The following ACADSB variants were observed in gnomAD, a reference collection of about 807,000 sequenced individuals.
The protein encoded by ACADSB is short/branched chain specific acyl-CoA dehydrogenase, mitochondrial.
In ACADSB, 40 loss-of-function variants were observed where a neutral mutation model predicts 54.1. That is an observed-to-expected ratio of 0.74 (90% CI 0.57 to 0.96). The LOEUF (loss-of-function observed/expected upper bound fraction) is 0.96. Ranked by LOEUF, ACADSB falls within the 40% of genes least tolerant of loss-of-function variation. ACADSB has a pLI of 0.00. For missense variants in ACADSB, 530 were observed against 510.4 expected, an observed-to-expected ratio of 1.04 and a Z score of -0.37; for synonymous variants, 182 against 182.8, an observed-to-expected ratio of 1.00 and a Z score of 0.03.
At chr10:123,048,732 T>G (rs1006288026) in intron 8 of ACADSB, among the ~76,000 whole-genome samples, 2 of 151,172 alleles carry the variant, frequency 1.3e-5, no homozygotes, top group South Asian at 2.1e-4. Flanking sequence ...TTATTTATTT[T>G]TATTTATTTA....
intron 8 of ACADSB, 90 bp downstream of exon 8, chr10:123,047,388 C>A: frequency 1.1e-6 from 1 of 947,046 alleles, no homozygotes. Flanking sequence ...GAGGGAATCC[C>A]TTCAGGGGGA....
At position 123,057,646 on chromosome 10, in the gene ACADSB, G is replaced by T. The variant is rs543424244; in HGVS notation, c.*3881G>T. The T allele has an allele frequency of 6.6e-6, 1 of 152,308 alleles. No individual in the cohort carries two copies. Among genetic ancestry groups the T allele is most frequent in the African/African-American group, 2.4e-5 (1 of 41,562 alleles). The allele number at this position is 152,308 out of a possible 1,614,324, so 9.4% of individuals were successfully genotyped here. ...TGGATTCCACCCAACTGCCAAGTTA[G>T]TATTGTTAGAGATTTCATTTTACAA... On this transcript the variant is annotated 3_prime_UTR_variant, in exon 11 of 11. Transcript: ENST00000358776.
intron 1 of ACADSB, among the ~76,000 whole-genome samples, chr10:123,012,882 C>T (rs1358919216): frequency 1.3e-5 from 2 of 152,204 alleles, no homozygotes; most frequent in African/African-American, 4.8e-5. Context: ...GTCTGTTTTA[C>T]AGACAGCTGA....
chr10:123,037,696 A>T, intron 2 of ACADSB, 51 bp from the exon 3 acceptor site: 1 of 1,282,980 alleles, frequency 7.8e-7, no homozygotes, highest in Non-Finnish European at 1.1e-6. Flanking sequence ...GCAAACTATT[A>T]ATGTGACTGT....
chr10:123,031,407 A>C (rs781034372), intron 1 of ACADSB, among the ~76,000 whole-genome samples: 1 of 152,234 alleles, frequency 6.6e-6, no homozygotes, highest in Non-Finnish European at 1.5e-5. Flanking sequence ...ATAAATAGCC[A>C]TTATTCCATT....
At chr10:123,041,711 G>T (rs1850476557) in intron 5 of ACADSB, among the ~76,000 whole-genome samples, 1 of 152,160 alleles carries the variant, frequency 6.6e-6, no homozygotes, top group African/African-American at 2.4e-5. Flanking sequence ...GAATTCACGT[G>T]AATAAAGTGA....
At chr10:123,033,480 C>T (rs946183066) in intron 1 of ACADSB, among the ~76,000 whole-genome samples, 1 of 152,184 alleles carries the variant, frequency 6.6e-6, no homozygotes, top group Non-Finnish European at 1.5e-5. Context: ...AACAGGAAGG[C>T]ACTCTCATGG....
chr10:123,034,126 G>T (rs1359168103), intron 1 of ACADSB, among the ~76,000 whole-genome samples: 2 of 152,228 alleles, frequency 1.3e-5, no homozygotes, highest in Admixed American at 1.3e-4. Flanking sequence ...ATTGGTAAAA[G>T]TTAGTTATCT....
chr10:123,027,508 T>C (rs766824174), intron 1 of ACADSB: 2 of 455,312 alleles, frequency 4.4e-6, no homozygotes, highest in South Asian at 3.1e-5. Flanking sequence ...CACTTTTGCT[T>C]CTTTCTCATT....
chr10:123,053,567 C>T, intron 10 of ACADSB, 128 bp from the exon 11 acceptor site: 2 of 827,150 alleles, frequency 2.4e-6, no homozygotes, highest in Non-Finnish European at 4.2e-6. Flanking sequence ...GTACCATATT[C>T]AGGGGACATG....
intron 4 of ACADSB, 74 bp downstream of exon 4, chr10:123,040,746 G>A (rs1589741296): frequency 1.4e-6 from 2 of 1,434,654 alleles, no homozygotes; most frequent in East Asian, 4.6e-5. Flanking sequence ...GAAAAAAGTA[G>A]CTGCAATGTC....
chr10:123,052,779 C>T lies in ACADSB; in HGVS notation c.1129-282C>T. The T allele has an allele frequency of 4.8e-6, 2 of 419,972 alleles. No homozygotes were observed. The highest frequency in any genetic ancestry group is 2.2e-5 in the South Asian group (1 of 45,256). The allele number at this position is 419,972 out of a possible 1,614,324, so 26.0% of individuals were successfully genotyped here. The stretch of plus-strand genomic sequence containing the variant: ...ATGTCCCTTAGCTCGTCCGTTAGGC[C>T]CCCAGTAAACATTTCCTGAATAAAT... On this transcript the variant is annotated intron_variant, in intron 9 of 10. Coordinates refer to ENST00000358776, the MANE Select transcript of ACADSB (RefSeq NM_001609.4). The surrounding 1 kb of genome is among the most constrained non-coding windows in gnomAD (Gnocchi z 4.2).
At chr10:123,024,414 G>A (rs991059446) in intron 1 of ACADSB, among the ~76,000 whole-genome samples, 1 of 152,236 alleles carries the variant, frequency 6.6e-6, no homozygotes, top group African/African-American at 2.4e-5. Context: ...AGGCAACACT[G>A]GAGAGTGGCC....
chr10:123,034,335 A>G (rs1850367937), intron 1 of ACADSB, 21 bp from the exon 2 acceptor site: 1 of 1,611,276 alleles, frequency 6.2e-7, no homozygotes, highest in Non-Finnish European at 8.5e-7. Context: ...CCTTTCTTTC[A>G]TGTGTGTATG....
intron 1 of ACADSB, among the ~76,000 whole-genome samples, chr10:123,026,297 A>G (rs1476708175): frequency 6.6e-6 from 1 of 152,226 alleles, no homozygotes; most frequent in Non-Finnish European, 1.5e-5. Context: ...TTCTGAAAAT[A>G]CAACTGCCTG....
At chr10:123,029,341 G>C (rs561908093) in intron 1 of ACADSB, among the ~76,000 whole-genome samples, 36 of 149,370 alleles carry the variant, frequency 2.4e-4, no homozygotes, top group South Asian at 1.7e-3. Flanking sequence ...GCAAGATTCT[G>C]TCTCAAAAAA....
At chr10:123,047,385 T>G in intron 8 of ACADSB, 87 bp downstream of exon 8, 1 of 973,970 alleles carries the variant, frequency 1.0e-6, no homozygotes, top group African/African-American at 1.6e-5. Context: ...ATGGAGGGAA[T>G]CCCTTCAGGG....
intron 1 of ACADSB, among the ~76,000 whole-genome samples, chr10:123,031,952 T>C (rs1438426629): frequency 6.6e-6 from 1 of 152,068 alleles, no homozygotes; most frequent in Non-Finnish European, 1.5e-5. Flanking sequence ...GGCTTTTAAG[T>C]TTCTCAGTAG....
At chr10:123,012,778 G>C (rs1053886072) in intron 1 of ACADSB, among the ~76,000 whole-genome samples, 1 of 152,144 alleles carries the variant, frequency 6.6e-6, no homozygotes, top group Non-Finnish European at 1.5e-5. Flanking sequence ...ATTGAGCAGC[G>C]GCAAGATTTA....
Sources: gnomAD v4.1 joint callset for allele counts (sites outside exome capture counted in the v4.1 genomes callset) on GRCh38, gnomAD v4.1.1 for gene constraint, Gnocchi (gnomAD v3.1) non-coding constraint, MANE v1.5 for transcripts, NCBI Gene and HGNC (gene_info 2026-07-23, HGNC 2026-07-21) for gene names.